KIRREL3: variants seen among roughly 807,000 people sequenced by gnomAD.
KIRREL3 encodes kirre like nephrin family adhesion molecule 3, also known as kin of IRRE-like protein 3.
KIRREL3 carries 36 observed loss-of-function variants against 89.7 expected under a neutral mutation model. The ratio of observed to expected loss-of-function variants is 0.40; its 90% CI spans 0.31 to 0.53. The LOEUF (loss-of-function observed/expected upper bound fraction) is 0.53, where lower values mean the gene tolerates loss of function less well. Among genes scored for constraint, KIRREL3 ranks in the 20% least tolerant of loss-of-function variants. The pLI is 0.49. For synonymous variants in KIRREL3, 445 were observed against 441.4 expected, an observed-to-expected ratio of 1.01 and a Z score of -0.10; for missense variants, 864 against 1,056.6, an observed-to-expected ratio of 0.82 and a Z score of 2.53.
At chr11:126,922,137 A>G (rs557756054) in intron 1 of KIRREL3, among the ~76,000 whole-genome samples, 63 of 150,516 alleles carry the variant, frequency 4.2e-4, no homozygotes, top group Middle Eastern at 3.5e-3. Context: ...CTATCTATCT[A>G]TCTATCTATC....
At position 126,958,075 on chromosome 11, in the gene KIRREL3, T is replaced by C. The variant is rs1948975664; in HGVS notation, c.55+42380A>G. Among the ~76,000 whole-genome samples, 3 of 152,320 alleles carry C rather than the reference T, an allele frequency of 2.0e-5. No homozygotes were observed. In the South Asian group the frequency reaches 6.2e-4, roughly 32 times the overall value. ...TCGAAATTGTAGCTTTGTTGCACTATAACAAAGGGTTACTAAAAGAGTTAA... is the reference window on the plus strand; with the variant it reads ...TCGAAATTGTAGCTTTGTTGCACTACAACAAAGGGTTACTAAAAGAGTTAA... On this transcript the variant is annotated intron_variant, in intron 1 of 16. Coordinates refer to ENST00000525144, the MANE Select transcript of KIRREL3 (RefSeq NM_032531.4).
In KIRREL3 at chr11:126,955,838, C is replaced by T. The variant is rs1948907252; in HGVS notation, c.55+44617G>A. On this transcript the variant is annotated intron_variant, in intron 1 of 16. Coordinates refer to ENST00000525144, the MANE Select transcript of KIRREL3 (RefSeq NM_032531.4). This position sits in a 1 kb window ranked among gnomAD's most constrained non-coding sequence, Gnocchi z 4.6. ...ATGGCAGTGCTGGGTTCTTACTGCC[C>T]GTTTCCATTCTGATTGTATCTGTTT... is the stretch of plus-strand genomic sequence containing the variant. Among the ~76,000 whole-genome samples, 2 of 152,160 alleles carry T rather than the reference C, an allele frequency of 1.3e-5. 1 individual carries two copies. The highest frequency in any genetic ancestry group is 4.1e-4 in the South Asian group (2 of 4,828).
chr11:126,596,385 T>C (rs1017633087), intron 1 of KIRREL3, among the ~76,000 whole-genome samples: 3 of 152,168 alleles, frequency 2.0e-5, no homozygotes, highest in Non-Finnish European at 4.4e-5. Context: ...TTAGAGGTGG[T>C]AGTGAGGCCC....
At chr11:126,502,943 G>A (rs920210869) in intron 4 of KIRREL3, among the ~76,000 whole-genome samples, 1 of 151,996 alleles carries the variant, frequency 6.6e-6, no homozygotes, top group African/African-American at 2.4e-5. Flanking sequence ...GAGCTGGTGT[G>A]CGGCTCAGAT....
chr11:126,827,794 T>G (rs1238837942), intron 1 of KIRREL3, among the ~76,000 whole-genome samples: 1 of 152,178 alleles, frequency 6.6e-6, no homozygotes, highest in African/African-American at 2.4e-5. Flanking sequence ...GATCTTCAAA[T>G]GACAGGCAGC....
At chr11:126,866,530 TG>T (rs1046846652) in intron 1 of KIRREL3, among the ~76,000 whole-genome samples, 3 of 151,930 alleles carry the variant, frequency 2.0e-5, no homozygotes, top group East Asian at 1.9e-4. Flanking sequence ...ATGGGGTCCC[TG>T]GGGGGGGCTC....
chr11:126,598,850 G>A (rs774092939), intron 1 of KIRREL3, among the ~76,000 whole-genome samples: 5 of 152,150 alleles, frequency 3.3e-5, no homozygotes, highest in Admixed American at 6.5e-5. Flanking sequence ...TCTTGCAAGC[G>A]TTACTTCTGA....
At chr11:126,952,163 A>G (rs184355489) in intron 1 of KIRREL3, among the ~76,000 whole-genome samples, 2 of 152,336 alleles carry the variant, frequency 1.3e-5, no homozygotes, top group African/African-American at 4.8e-5. Context: ...AGGCCGGTGG[A>G]TCACCTGAGG....
chr11:126,774,181 TTTA>T (rs1950103222), intron 1 of KIRREL3, among the ~76,000 whole-genome samples: 2 of 150,650 alleles, frequency 1.3e-5, no homozygotes, highest in African/African-American at 2.5e-5. Flanking sequence ...TTTTTTTTTT[TTTA>T]AATAAATGAA....
rs1955112125 is a variant in KIRREL3 at position 126,431,138 on chromosome 11, C to A, written c.1696+281G>T. 1.4e-6 allele frequency: 2 copies of A among 1,433,884 alleles called. No homozygotes were observed. Among genetic ancestry groups the A allele is most frequent in the Non-Finnish European group, 1.8e-6 (2 of 1,097,482 alleles). 88.8% of individuals were successfully genotyped at this position (1,433,884 alleles called of 1,614,324 possible). On this transcript the variant is annotated intron_variant, in intron 14 of 16. Coordinates refer to ENST00000525144, the MANE Select transcript of KIRREL3 (RefSeq NM_032531.4). This position sits in a 1 kb window ranked among gnomAD's most constrained non-coding sequence, Gnocchi z 7.1. ...TTTCCCCCTATCTTTCTGTACAGTT[C>A]CTGACTGAAAGAGCTATGTGTTCAA...
intron 1 of KIRREL3, among the ~76,000 whole-genome samples, chr11:126,717,190 G>A (rs1947998219): frequency 6.6e-6 from 1 of 152,218 alleles, no homozygotes. Context: ...GACTTTAGCT[G>A]TTGAACCCAC....
Position 126,446,851 on chromosome 11 carries a change from G to A in KIRREL3, c.1033C>T (p.Leu345Phe). The change falls in exon 9 of 17, where the codon CTC (leucine) becomes TTC (phenylalanine). Residue 345 changes from leucine to phenylalanine, a missense_variant. Leu to Phe is a conservative substitution (Grantham distance 22). Coordinates refer to ENST00000525144, the MANE Select transcript of KIRREL3 (RefSeq NM_032531.4). Reference sequence around the variant, plus strand: ...ATGGCATCAGAGCCCAGATCCACGAGCAAGGATTGGGGTTCTGTGGTCATC... The same window carrying A: ...ATGGCATCAGAGCCCAGATCCACGAACAAGGATTGGGGTTCTGTGGTCATC... The part of the protein sequence containing the change: ...PRMTTEPQSL[L>F]VDLGSDAIFS... 6.2e-7 allele frequency: 1 copy of A among 1,603,836 alleles called. No homozygotes were observed. Among genetic ancestry groups the A allele is most frequent in the Non-Finnish European group, 8.5e-7 (1 of 1,175,294 alleles).
rs1295016943 is a variant in KIRREL3 at position 126,492,102 on chromosome 11, T to C, written c.434-18636A>G. Among the ~76,000 whole-genome samples, 1 of 152,152 alleles carries C rather than the reference T, an allele frequency of 6.6e-6. No homozygotes were observed. The highest frequency in any genetic ancestry group is 2.4e-5 in the African/African-American group (1 of 41,410). The stretch of plus-strand genomic sequence containing the variant: ...CCCATCCTTGCTTACCTCAGTTTCC[T>C]CCGGGCTTATAAAATGGACAAAAGG... On this transcript the variant is annotated intron_variant, in intron 4 of 16. Coordinates refer to ENST00000525144, the MANE Select transcript of KIRREL3 (RefSeq NM_032531.4). The surrounding 1 kb of genome is among the most constrained non-coding windows in gnomAD (Gnocchi z 4.8).
chr11:126,847,768 A>C (rs1944198141), intron 1 of KIRREL3, among the ~76,000 whole-genome samples: 2 of 152,228 alleles, frequency 1.3e-5, no homozygotes, highest in South Asian at 4.1e-4. Context: ...AATTGAGTAA[A>C]GTACACTCCT....
intron 1 of KIRREL3, among the ~76,000 whole-genome samples, chr11:126,711,048 G>T (rs1947735844): frequency 6.6e-6 from 1 of 151,996 alleles, no homozygotes; most frequent in Admixed American, 6.6e-5. Context: ...AAAAATCTGT[G>T]GTCTACACAA....
Position 126,424,269 on chromosome 11 carries a change from C to T in KIRREL3, c.*311G>A. ...AGCAGAGTTATAGCTGCCACTTGTG[C>T]CTGTGGGCAGAGCAGGTGGTAGAGG... On this transcript the variant is annotated 3_prime_UTR_variant, in exon 17 of 17. Transcript: ENST00000525144. The T allele has an allele frequency of 2.2e-6, 1 of 445,334 alleles. No individual in the cohort carries two copies. Among genetic ancestry groups the T allele is most frequent in the African/African-American group, 2.0e-5 (1 of 51,042 alleles). The allele number at this position is 445,334 out of a possible 1,614,324, so 27.6% of individuals were successfully genotyped here. A position where few individuals can be genotyped will look rare whatever the true frequency, so the allele number is the denominator to read the frequency against.
intron 1 of KIRREL3, among the ~76,000 whole-genome samples, chr11:126,806,528 T>C (rs535924935): frequency 1.3e-5 from 2 of 152,344 alleles, no homozygotes; most frequent in East Asian, 1.9e-4. Flanking sequence ...TAGTAGTTAC[T>C]GTCACAGGTT....
intron 1 of KIRREL3, among the ~76,000 whole-genome samples, chr11:126,801,008 T>C (rs1364704242): frequency 6.6e-6 from 1 of 152,218 alleles, no homozygotes; most frequent in African/African-American, 2.4e-5. Flanking sequence ...GCAGCTGATA[T>C]TTGTGGTGCA....
chr11:126,435,324 C>T (rs758976785), intron 12 of KIRREL3, 21 bp from the exon 13 acceptor site: 39 of 1,611,468 alleles, frequency 2.4e-5, no homozygotes, highest in East Asian at 4.5e-5. Context: ...ATAAAGCAAG[C>T]GTCTACAGCC....
Sources: gnomAD v4.1 joint callset for allele counts (sites outside exome capture counted in the v4.1 genomes callset) on GRCh38, gnomAD v4.1.1 for gene constraint, Gnocchi (gnomAD v3.1) non-coding constraint, MANE v1.5 for transcripts, NCBI Gene and HGNC (gene_info 2026-07-23, HGNC 2026-07-21) for gene names.